The following NTM variants were observed in gnomAD, a reference collection of about 807,000 sequenced individuals.
The protein encoded by NTM is neurotrimin.
A neutral mutation model predicts 42.1 loss-of-function variants in NTM; 13 were observed. That is an observed-to-expected ratio of 0.31 (90% CI 0.20 to 0.49). The LOEUF (loss-of-function observed/expected upper bound fraction) is 0.49. Among genes scored for constraint, NTM ranks in the 20% least tolerant of loss-of-function variants. NTM has a pLI of 0.99. For synonymous variants in NTM, 187 were observed against 179.2 expected (o/e 1.04, Z -0.35); for missense variants, 373 against 452.8 (o/e 0.82, Z 1.60).
chr11:131,682,479 C>T (rs1216167032), intron 1 of NTM, among the ~76,000 whole-genome samples: 1 of 152,182 alleles, frequency 6.6e-6, no homozygotes, highest in African/African-American at 2.4e-5. Flanking sequence ...CCTCCCTCCT[C>T]GTGGCACGCA....
At chr11:131,404,617 C>G (rs1312897144) in intron 1 of NTM, among the ~76,000 whole-genome samples, 1 of 152,094 alleles carries the variant, frequency 6.6e-6, no homozygotes, top group Non-Finnish European at 1.5e-5. Flanking sequence ...TAAAGACATC[C>G]CACACTTAAT....
chr11:131,789,419 A>AGAAGAAG (rs1565549187), intron 1 of NTM, among the ~76,000 whole-genome samples: 16 of 51,968 alleles, frequency 3.1e-4, no homozygotes, highest in African/African-American at 1.4e-3. Context: ...TTAAAAGAAA[A>AGAAGAAG]AAAGAAGAAG....
chr11:132,137,483 C>T (rs983902523), intron 2 of NTM, among the ~76,000 whole-genome samples: 12 of 152,204 alleles, frequency 7.9e-5, no homozygotes, highest in Admixed American at 6.5e-5. Context: ...AAAATGCAGA[C>T]TCTTTCTTTC....
chr11:132,016,319 TC>T, intron 2 of NTM, among the ~76,000 whole-genome samples: 1 of 151,896 alleles, frequency 6.6e-6, no homozygotes, highest in Non-Finnish European at 1.5e-5. Flanking sequence ...CCCAGAAAGT[TC>T]CCTTGTGGCT....
chr11:132,328,925 G>A (rs952993761), intron 7 of NTM, among the ~76,000 whole-genome samples: 2 of 152,010 alleles, frequency 1.3e-5, no homozygotes, highest in Non-Finnish European at 2.9e-5. Flanking sequence ...TTTCCCTACC[G>A]TCCTGCAGTA....
At chr11:131,718,493 A>G (rs1381921321) in intron 1 of NTM, among the ~76,000 whole-genome samples, 1 of 152,024 alleles carries the variant, frequency 6.6e-6, no homozygotes, top group Admixed American at 6.5e-5. Context: ...TGCCTCATGA[A>G]TTATTGGGTT....
intron 1 of NTM, among the ~76,000 whole-genome samples, chr11:131,803,755 C>G (rs1197650455): frequency 6.6e-6 from 1 of 152,228 alleles, no homozygotes; most frequent in Non-Finnish European, 1.5e-5. Flanking sequence ...CCTGCCTCCC[C>G]CGAACCTGGC....
chr11:131,850,602 AC>A (rs1190651790), intron 1 of NTM, among the ~76,000 whole-genome samples: 1 of 152,178 alleles, frequency 6.6e-6, no homozygotes, highest in African/African-American at 2.4e-5. Flanking sequence ...AAACTGAGAA[AC>A]AAAAAAGGGA....
chr11:131,598,747 CTTTCTTTCTTCTTTCTTTTT>C (rs2060091988), intron 1 of NTM, among the ~76,000 whole-genome samples: 1 of 73,370 alleles, frequency 1.4e-5, no homozygotes, highest in African/African-American at 4.7e-5. Flanking sequence ...TTCTTTCTTT[CTTTCTTTCTTCTTTCTTTTT>C]TTCTTTCTTT....
rs1360415303 is a variant in NTM at position 132,051,206 on chromosome 11, CGAT to C, written c.168-95072_168-95070del. On this transcript the variant is annotated intron_variant, in intron 2 of 8. Coordinates refer to ENST00000683400, the MANE Select transcript of NTM (RefSeq NM_001352005.2). ...ACCTTTATTTATTTGTAACATATGA[CGAT>C]GATTTTTTTTTATGCCAGACACCGT... 2.6e-5 allele frequency among the ~76,000 whole-genome samples: 4 copies of C among 152,032 alleles called. No homozygotes were observed. The East Asian group carries it at 5.8e-4, about 22-fold the overall frequency.
rs1025042577 is a variant in NTM at position 131,910,785 on chromosome 11, A to G, written c.83-779A>G. The G allele has an allele frequency of 2.1e-5, 20 of 963,096 alleles. No individual in the cohort carries two copies. The African/African-American group carries it at 3.6e-4, about 17-fold the overall frequency. The allele number at this position is 963,096 out of a possible 1,614,324, so 59.7% of individuals were successfully genotyped here. On this transcript the variant is annotated intron_variant, in intron 1 of 8. Transcript: ENST00000683400. The stretch of plus-strand genomic sequence containing the variant: ...CCTCTCCCTCCTCGGCCACCGCCGC[A>G]GCCCCTGCCCCGCCGAGCCCCGCCG...
At chr11:132,139,336 T>A (rs4463852) in intron 2 of NTM, among the ~76,000 whole-genome samples, 36,261 of 152,046 alleles carry the variant, frequency 0.24, 4,460 homozygotes, top group African/African-American at 0.28. Context: ...ATCAAAAAAA[T>A]GGCTTGTGGG....
At chr11:131,420,885 G>T (rs1947438432) in intron 1 of NTM, among the ~76,000 whole-genome samples, 2 of 152,222 alleles carry the variant, frequency 1.3e-5, no homozygotes, top group South Asian at 4.2e-4. Context: ...GCCTGGTCTG[G>T]TTCTCCTCCA....
Position 132,255,827 on chromosome 11 carries a change from C to G in NTM, c.526+43680C>G, listed in dbSNP as rs186990659. Among the ~76,000 whole-genome samples the G allele has an allele frequency of 2.7e-3, 418 of 152,226 alleles. 2 individuals carry two copies. Among genetic ancestry groups the G allele is most frequent in the African/African-American group, 9.6e-3 (399 of 41,538 alleles). On this transcript the variant is annotated intron_variant, in intron 4 of 8. Transcript: ENST00000683400. ...TTCCAGTCAGCCTCCCCCTTCCCTGCTCCACTGCCGTCCTGTTGCTTTCCT... is the reference window on the plus strand; with the variant it reads ...TTCCAGTCAGCCTCCCCCTTCCCTGGTCCACTGCCGTCCTGTTGCTTTCCT...
At chr11:131,713,727 G>C (rs1415269088) in intron 1 of NTM, among the ~76,000 whole-genome samples, 2 of 152,202 alleles carry the variant, frequency 1.3e-5, no homozygotes, top group Admixed American at 1.3e-4. Flanking sequence ...ATCTGGACAG[G>C]TCTGCAGCAA....
At chr11:131,472,605 GAC>G (rs1205607384) in intron 1 of NTM, among the ~76,000 whole-genome samples, 8 of 152,272 alleles carry the variant, frequency 5.3e-5, no homozygotes, top group South Asian at 2.1e-4. Flanking sequence ...CCTTAAGAAA[GAC>G]ACAGTTATTT....
At chr11:131,661,851 G>C (rs1313023397) in intron 1 of NTM, among the ~76,000 whole-genome samples, 2 of 152,138 alleles carry the variant, frequency 1.3e-5, no homozygotes, top group Non-Finnish European at 2.9e-5. Context: ...CTTTGCGAGA[G>C]AGAGAAACGT....
intron 1 of NTM, among the ~76,000 whole-genome samples, chr11:131,441,808 T>G (rs938457927): frequency 1.3e-5 from 2 of 152,214 alleles, no homozygotes; most frequent in Admixed American, 1.3e-4. Flanking sequence ...TATCTCTCTG[T>G]AGCTTTTCCA....
At chr11:132,251,183 T>C (rs2091901136) in intron 4 of NTM, among the ~76,000 whole-genome samples, 1 of 152,204 alleles carries the variant, frequency 6.6e-6, no homozygotes, top group South Asian at 2.1e-4. Flanking sequence ...TCTCCACTTA[T>C]TGTACAGAGC....
Sources: allele counts gnomAD v4.1 joint callset (sites outside exome capture counted in the v4.1 genomes callset), GRCh38; gene constraint gnomAD v4.1.1; transcripts MANE v1.5; gene names NCBI Gene and HGNC (gene_info 2026-07-23, HGNC 2026-07-21).